GFPT1: variants seen among roughly 807,000 people sequenced by gnomAD.
GFPT1 encodes the protein glutamine--fructose-6-phosphate aminotransferase [isomerizing] 1.
In GFPT1, 40 loss-of-function variants were observed where a neutral mutation model predicts 92.0. That is an observed-to-expected ratio of 0.43 (90% confidence interval 0.34 to 0.57). GFPT1 has a LOEUF of 0.57. Ranked by LOEUF, GFPT1 falls within the 20% of genes least tolerant of loss-of-function variation. The pLI, the probability that GFPT1 is intolerant of heterozygous loss-of-function variation, is 0.02. For synonymous variants in GFPT1, 269 were observed against 280.6 expected (o/e 0.96, Z 0.41); for missense variants, 448 against 869.1 (o/e 0.52, Z 6.09).
intron 12 of GFPT1, among the ~76,000 whole-genome samples, chr2:69,345,250 C>T (rs1393310082): frequency 6.6e-6 from 1 of 152,040 alleles, no homozygotes; most frequent in Non-Finnish European, 1.5e-5. Context: ...TAGCAAAACT[C>T]CATCCTAAAA....
chr2:69,385,256 C>T (rs1213337631), intron 1 of GFPT1, among the ~76,000 whole-genome samples: 1 of 151,976 alleles, frequency 6.6e-6, no homozygotes, highest in African/African-American at 2.4e-5. Context: ...TGGAGTTTTG[C>T]TCTTTTTTAC....
intron 13 of GFPT1, 36 bp downstream of exon 13, chr2:69,342,116 A>C (rs756752978): frequency 1.8e-6 from 2 of 1,101,770 alleles, no homozygotes; most frequent in East Asian, 4.7e-5. Context: ...ATATTCTCTA[A>C]TATTCAACAT....
chr2:69,373,166 G>A (rs1671791745), intron 2 of GFPT1, among the ~76,000 whole-genome samples: 1 of 152,276 alleles, frequency 6.6e-6, no homozygotes, highest in South Asian at 2.1e-4. Context: ...TTGTTATAAT[G>A]AAACATAGCC....
chr2:69,330,855 T>C (rs1453625439), intron 15 of GFPT1, among the ~76,000 whole-genome samples: 1 of 152,178 alleles, frequency 6.6e-6, no homozygotes, highest in Non-Finnish European at 1.5e-5. Context: ...GCAGTTTTCA[T>C]CTCTTTAGGC....
intron 3 of GFPT1, among the ~76,000 whole-genome samples, chr2:69,366,550 C>A (rs1366307103): frequency 1.3e-5 from 2 of 152,164 alleles, no homozygotes; most frequent in Non-Finnish European, 2.9e-5. Context: ...CTGTTGCTAC[C>A]TAAGAAACAT....
Position 69,356,636 on chromosome 2 carries a change from G to A in GFPT1, c.544-79C>T, listed in dbSNP as rs937229153. ...ATGCCTAGAACATACTGGCTTCAGC[G>A]CAGAAATTTTTTGTTCACACAAATG... is the stretch of plus-strand genomic sequence containing the variant. On this transcript the variant is annotated intron_variant, in intron 6 of 19. Coordinates refer to ENST00000357308, the MANE Select transcript of GFPT1 (RefSeq NM_001244710.2). The A allele has an allele frequency of 1.1e-4, 117 of 1,046,328 alleles. 1 individual carries two copies. The highest frequency in any genetic ancestry group is 7.5e-4 in the Admixed American group (44 of 58,584). The allele number at this position is 1,046,328 out of a possible 1,614,324, so 64.8% of individuals were successfully genotyped here.
chr2:69,329,265 G>C, intron 17 of GFPT1, 32 bp downstream of exon 17: 1 of 1,605,162 alleles, frequency 6.2e-7, no homozygotes, highest in Non-Finnish European at 8.5e-7. Flanking sequence ...CAGGTCAATG[G>C]ACTGATACTA....
chr2:69,338,544 G>T lies in GFPT1; in HGVS notation c.1225C>A (p.Leu409Met), dbSNP rs762389336. ...TCCACCATCACAGGCAACTCAGTCA[G>T]CTCCTCAAGAACTTGACGTGTCTGC... ...GVATRQVLEE[L>M]TELPVMVELA... is the part of the protein sequence containing the mutation. Residue 409 changes from leucine to methionine, a missense_variant, in exon 14 of 20, where the codon CTG becomes ATG. This residue lies in a region of GFPT1 where 121 missense variants were observed against 304.3 expected (regional missense o/e 0.40). Coordinates refer to ENST00000357308, the MANE Select transcript of GFPT1 (RefSeq NM_001244710.2). The T allele has an allele frequency of 6.2e-7, 1 of 1,613,522 alleles. No homozygotes were observed. The highest frequency in any genetic ancestry group is 8.5e-7 in the Non-Finnish European group (1 of 1,179,578).
chr2:69,342,909 A>T (rs899040050), intron 12 of GFPT1, among the ~76,000 whole-genome samples: 1 of 152,146 alleles, frequency 6.6e-6, no homozygotes, highest in Non-Finnish European at 1.5e-5. Context: ...CTAATGCTTC[A>T]GTCAAAATGC....
At chr2:69,327,862 G>C (rs748401824) in intron 18 of GFPT1, among the ~76,000 whole-genome samples, 255 of 152,118 alleles carry the variant, frequency 1.7e-3, no homozygotes, top group Non-Finnish European at 3.2e-3. Flanking sequence ...CAGAACTTTG[G>C]GGGGTTGAGG....
At chr2:69,343,413 C>T (rs1181914914) in intron 12 of GFPT1, among the ~76,000 whole-genome samples, 2 of 150,708 alleles carry the variant, frequency 1.3e-5, no homozygotes, top group Admixed American at 6.6e-5. Flanking sequence ...CATCTCCTCA[C>T]CTTTTTTTTT....
At chr2:69,354,212 CAA>C (rs1183780065) in intron 9 of GFPT1, 45 bp downstream of exon 9, 2 of 1,311,000 alleles carry the variant, frequency 1.5e-6, no homozygotes, top group Admixed American at 1.9e-5. Flanking sequence ...AAAGAATAAA[CAA>C]AAGAGGATAA....
intron 2 of GFPT1, among the ~76,000 whole-genome samples, chr2:69,373,426 A>G (rs1305838598): frequency 1.3e-5 from 2 of 152,144 alleles, no homozygotes; most frequent in Non-Finnish European, 2.9e-5. Context: ...AGACCAGCCC[A>G]GGCAACATAG....
chr2:69,371,984 G>A (rs1022034692), intron 2 of GFPT1, among the ~76,000 whole-genome samples: 56 of 147,018 alleles, frequency 3.8e-4, no homozygotes, highest in African/African-American at 1.3e-3. Flanking sequence ...GGCAGATCAC[G>A]AGGTCAGGAG....
At chr2:69,330,281 G>C (rs1306367021) in intron 15 of GFPT1, among the ~76,000 whole-genome samples, 3 of 152,102 alleles carry the variant, frequency 2.0e-5, no homozygotes, top group Non-Finnish European at 4.4e-5. Context: ...CTCCTTTTCT[G>C]AATCTTGAAC....
Position 69,387,198 on chromosome 2 carries a change from G to T in GFPT1, c.-127C>A. 1.9e-6 allele frequency: 2 copies of T among 1,063,720 alleles called. No homozygotes were observed. The highest frequency in any genetic ancestry group is 2.6e-6 in the Non-Finnish European group (2 of 767,948). The allele number at this position is 1,063,720 out of a possible 1,614,324, so 65.9% of individuals were successfully genotyped here. A position where few individuals can be genotyped will look rare whatever the true frequency, so the allele number is the denominator to read the frequency against. ...GTGGCGCCGACACGACTCCCTCGGG[G>T]ATGCGACGGCCAAGGCAACGACAGC... On this transcript the variant is annotated 5_prime_UTR_variant, in exon 1 of 20. Coordinates refer to ENST00000357308, the MANE Select transcript of GFPT1 (RefSeq NM_001244710.2).
At chr2:69,351,310 T>C (rs892537094) in intron 9 of GFPT1, among the ~76,000 whole-genome samples, 3 of 152,320 alleles carry the variant, frequency 2.0e-5, no homozygotes, top group South Asian at 2.1e-4. Flanking sequence ...GTTTTATAAA[T>C]TGGCCTTATA....
intron 1 of GFPT1, among the ~76,000 whole-genome samples, chr2:69,386,735 C>G (rs1672137592): frequency 6.6e-6 from 1 of 152,236 alleles, no homozygotes. Flanking sequence ...GCAACCCCCT[C>G]CACACCTCAA....
chr2:69,342,358 A>G (rs1670973617), intron 12 of GFPT1, 109 bp from the exon 13 acceptor site: 1 of 754,364 alleles, frequency 1.3e-6, no homozygotes, highest in East Asian at 2.5e-5. Context: ...CTGCTGTTTT[A>G]AAGAATTAAT....
Sources: allele counts gnomAD v4.1 joint callset (sites outside exome capture counted in the v4.1 genomes callset), GRCh38; gene constraint gnomAD v4.1.1; regional missense constraint gnomAD v4.1.1; transcripts MANE v1.5; gene names NCBI Gene and HGNC (gene_info 2026-07-23, HGNC 2026-07-21).